RBFOX1: variants seen among roughly 807,000 people sequenced by gnomAD.
RBFOX1 encodes RNA binding fox-1 homolog 1.
RBFOX1 carries 8 observed loss-of-function variants against 57.7 expected under a neutral mutation model. The ratio of observed to expected loss-of-function variants is 0.14; its 90% CI spans 0.08 to 0.25. The LOEUF (loss-of-function observed/expected upper bound fraction) is 0.25, where lower values mean the gene tolerates loss of function less well. RBFOX1 is among the 10% of genes least tolerant of loss of function. The probability of loss-of-function intolerance (pLI) is 1.00; values close to 1 mark genes in which losing one functional copy is unlikely to be tolerated. For synonymous variants in RBFOX1, 326 were observed against 222.4 expected (o/e 1.47, Z -4.15); for missense variants, 611 against 548.5 (o/e 1.11, Z -1.14).
At chr16:5,631,308 C>T (rs2048498773) in intron 3 of RBFOX1, among the ~76,000 whole-genome samples, 1 of 152,146 alleles carries the variant, frequency 6.6e-6, no homozygotes, top group African/African-American at 2.4e-5. Flanking sequence ...CCTGTAATCC[C>T]AGCATTTTGG....
At chr16:6,037,487 A>G (rs1298885887) in intron 1 of RBFOX1, 1 of 150,818 alleles carries the variant, frequency 6.6e-6, no homozygotes, top group Non-Finnish European at 1.5e-5. Flanking sequence ...AATTTTACTA[A>G]CTCAGTGGAA....
chr16:6,705,068 T>C (rs1345138846), intron 3 of RBFOX1: 1 of 152,092 alleles, frequency 6.6e-6, no homozygotes, highest in Non-Finnish European at 1.5e-5. Context: ...ACTAAGCAGC[T>C]TGATGGTCAG....
At chr16:5,561,779 C>T (rs761451203) in intron 2 of RBFOX1, among the ~76,000 whole-genome samples, 1 of 152,010 alleles carries the variant, frequency 6.6e-6, no homozygotes, top group Non-Finnish European at 1.5e-5. Flanking sequence ...CTTGTTCTAC[C>T]CTGAGATGTA....
At chr16:5,962,837 T>A (rs1011871173) in intron 4 of RBFOX1, among the ~76,000 whole-genome samples, 17 of 133,912 alleles carry the variant, frequency 1.3e-4, no homozygotes, top group South Asian at 4.7e-4. Flanking sequence ...TTTTTTTTTT[T>A]AATATATAAT....
intron 4 of RBFOX1, among the ~76,000 whole-genome samples, chr16:5,893,089 C>G (rs373989778): frequency 1.3e-5 from 2 of 152,316 alleles, no homozygotes; most frequent in South Asian, 2.1e-4. Context: ...GCGTCAGTAT[C>G]AAATGTGTAT....
At chr16:6,093,768 C>T (rs2096209234) in intron 1 of RBFOX1, among the ~76,000 whole-genome samples, 1 of 151,698 alleles carries the variant, frequency 6.6e-6, no homozygotes, top group African/African-American at 2.4e-5. Flanking sequence ...ACCACAGGTG[C>T]ATTCCAGCAT....
intron 3 of RBFOX1, among the ~76,000 whole-genome samples, chr16:5,787,232 A>G (rs2054534432): frequency 6.6e-6 from 1 of 152,224 alleles, no homozygotes; most frequent in Non-Finnish European, 1.5e-5. Context: ...AGAAAAGGGA[A>G]CAGGTGAGCA....
intron 1 of RBFOX1, among the ~76,000 whole-genome samples, chr16:6,221,851 GTT>G (rs2097375519): frequency 6.6e-6 from 1 of 152,134 alleles, no homozygotes; most frequent in South Asian, 2.1e-4. Context: ...CCATGATCCA[GTT>G]TTCTCCATTT....
At chr16:6,054,913 G>T (rs919935171) in intron 1 of RBFOX1, among the ~76,000 whole-genome samples, 2 of 152,052 alleles carry the variant, frequency 1.3e-5, no homozygotes, top group African/African-American at 4.8e-5. Flanking sequence ...CTCCCAAGTA[G>T]CTGGGACTGC....
chr16:6,155,960 G>A (rs904284612), intron 1 of RBFOX1, among the ~76,000 whole-genome samples: 4 of 152,086 alleles, frequency 2.6e-5, no homozygotes, highest in Admixed American at 6.6e-5. Context: ...AACCTGTAGG[G>A]TATCATTTAA....
intron 5 of RBFOX1, among the ~76,000 whole-genome samples, chr16:7,573,790 G>T (rs1001996903): frequency 4.0e-4 from 61 of 151,846 alleles, no homozygotes; most frequent in African/African-American, 1.3e-3. Flanking sequence ...AGGTAAGATT[G>T]TGCCACTAGA....
intron 1 of RBFOX1, among the ~76,000 whole-genome samples, chr16:5,401,824 G>C (rs939432869): frequency 6.9e-5 from 10 of 144,786 alleles, no homozygotes; most frequent in East Asian, 4.3e-4. Context: ...TTCTCGTGCT[G>C]CTGCTTCCTC....
chr16:5,244,043 C>T (rs1012427443), intron 1 of RBFOX1, among the ~76,000 whole-genome samples: 9 of 152,056 alleles, frequency 5.9e-5, no homozygotes, highest in African/African-American at 1.9e-4. Context: ...ATTACAGGTC[C>T]CCACCACCAC....
intron 2 of RBFOX1, among the ~76,000 whole-genome samples, chr16:5,543,026 C>T (rs534654985): frequency 6.6e-6 from 1 of 152,288 alleles, no homozygotes; most frequent in East Asian, 1.9e-4. Flanking sequence ...TCAGAAGGCT[C>T]TTGCCTCAGG....
intron 1 of RBFOX1, among the ~76,000 whole-genome samples, chr16:6,159,603 C>T (rs993532997): frequency 1.3e-5 from 2 of 152,134 alleles, no homozygotes; most frequent in African/African-American, 4.8e-5. Flanking sequence ...TTTGCCTTCC[C>T]CTCCTGCTTT....
Position 5,951,060 on chromosome 16 carries a change from T to A in RBFOX1, c.351+83725T>A, listed in dbSNP as rs533519739. Among the ~76,000 whole-genome samples the A allele has an allele frequency of 3.3e-5, 5 of 152,160 alleles. No homozygotes were observed. The South Asian group carries it at 1.0e-3, about 32-fold the overall frequency. On this transcript the variant is annotated intron_variant, in intron 4 of 19. Coordinates refer to the RBFOX1 transcript ENST00000641259. ...TTACCAGGTACCTCAGAATCACCTG[T>A]GCTGCTTATCAGAGGTGGCGATTTG... is the stretch of plus-strand genomic sequence containing the variant.
intron 2 of RBFOX1, among the ~76,000 whole-genome samples, chr16:6,450,838 T>TACAC (rs1567303896): frequency 7.2e-5 from 1 of 13,942 alleles, no homozygotes; most frequent in East Asian, 1.3e-3. Context: ...TATATATATG[T>TACAC]GTATATATAT....
chr16:5,802,279 C>G (rs904100629), intron 3 of RBFOX1, among the ~76,000 whole-genome samples: 2 of 152,162 alleles, frequency 1.3e-5, no homozygotes, highest in Admixed American at 6.5e-5. Context: ...TTCCTCTTCT[C>G]CCCCTTTAGA....
chr16:6,152,992 A>G (rs2096808931), intron 1 of RBFOX1, among the ~76,000 whole-genome samples: 1 of 148,898 alleles, frequency 6.7e-6, no homozygotes, highest in Non-Finnish European at 1.5e-5. Flanking sequence ...CTGTTTTATG[A>G]CTATTGGATA....
Sources: gnomAD v4.1 joint callset for allele counts (sites outside exome capture counted in the v4.1 genomes callset) on GRCh38, gnomAD v4.1.1 for gene constraint, MANE v1.5 for transcripts, NCBI Gene and HGNC (gene_info 2026-07-23, HGNC 2026-07-21) for gene names.